The following GPC3 variants were observed in gnomAD, a reference collection of about 807,000 sequenced individuals.
GPC3 encodes glypican 3.
GPC3 carries 3 observed loss-of-function variants against 34.4 expected under a neutral mutation model. The observed-to-expected ratio is 0.09, with a 90% CI of 0.04 to 0.23. The LOEUF (loss-of-function observed/expected upper bound fraction) is 0.23. GPC3 is among the 10% of genes least tolerant of loss of function. GPC3 has a pLI of 1.00. For missense variants in GPC3, 351 were observed against 445.6 expected (o/e 0.79, Z 1.91); for synonymous variants, 177 against 174.0 (o/e 1.02, Z -0.13).
At chrX:133,972,432 G>C (rs1204070660) in intron 1 of GPC3, among the ~76,000 whole-genome samples, 1 of 112,059 alleles carries the variant, frequency 8.9e-6, no homozygotes, top group Non-Finnish European at 1.9e-5. Context: ...TTCCCTATGG[G>C]AAGAGCCAAA....
intron 7 of GPC3, among the ~76,000 whole-genome samples, chrX:133,545,619 C>T (rs1300300511): frequency 9.0e-6 from 1 of 111,493 alleles, no homozygotes; most frequent in Non-Finnish European, 1.9e-5. Flanking sequence ...CCTGACTGTG[C>T]CTGGGGTGCA....
chrX:133,550,944 C>T (rs1197266102), intron 7 of GPC3, among the ~76,000 whole-genome samples: 2 of 112,401 alleles, frequency 1.8e-5, no homozygotes, highest in African/African-American at 6.5e-5. Context: ...TGTTCTTATT[C>T]CCTTTTGCTG....
intron 7 of GPC3, among the ~76,000 whole-genome samples, chrX:133,549,954 C>G (rs2069420587): frequency 9.4e-6 from 1 of 106,789 alleles, no homozygotes; most frequent in Non-Finnish European, 1.9e-5. Context: ...TTCCTCCCCC[C>G]TCTGTCTTTC....
chrX:133,608,449 A>G (rs2070072173), intron 6 of GPC3, among the ~76,000 whole-genome samples: 1 of 112,416 alleles, frequency 8.9e-6, no homozygotes, highest in African/African-American at 3.2e-5. Flanking sequence ...GTGAGAGTGT[A>G]CCAGGATATT....
chrX:133,699,172 G>A (rs1268408423), intron 4 of GPC3, among the ~76,000 whole-genome samples: 1 of 111,552 alleles, frequency 9.0e-6, no homozygotes, highest in East Asian at 2.8e-4. Context: ...AGCTGAGATC[G>A]CGCCACTGCA....
chrX:133,878,773 T>C (rs1378071525), intron 2 of GPC3, among the ~76,000 whole-genome samples: 1 of 111,756 alleles, frequency 8.9e-6, no homozygotes, highest in Non-Finnish European at 1.9e-5. Context: ...AGCTAAAATG[T>C]CCAGTTGTCT....
At chrX:133,766,501 A>G (rs905974577) in intron 2 of GPC3, among the ~76,000 whole-genome samples, 1 of 112,271 alleles carries the variant, frequency 8.9e-6, no homozygotes, top group Non-Finnish European at 1.9e-5. Context: ...TTAAGTATAC[A>G]TAGTATACAT....
intron 6 of GPC3, among the ~76,000 whole-genome samples, chrX:133,660,628 C>T (rs1394532687): frequency 8.9e-6 from 1 of 112,097 alleles, no homozygotes; most frequent in East Asian, 2.8e-4. Context: ...GCAGTGAAAA[C>T]TGATACATTC....
intron 6 of GPC3, among the ~76,000 whole-genome samples, chrX:133,637,165 G>C (rs2070435017): frequency 8.9e-6 from 1 of 111,759 alleles, no homozygotes. Context: ...TGGGAAGAAT[G>C]ATGCTTTAAA....
chrX:133,700,192 G>A (rs2071154757), intron 3 of GPC3, among the ~76,000 whole-genome samples, 164 bp from the exon 4 acceptor site: 1 of 112,036 alleles, frequency 8.9e-6, no homozygotes, highest in South Asian at 3.8e-4. Flanking sequence ...AGAACCACTG[G>A]TGGAAAGAAG....
intron 6 of GPC3, among the ~76,000 whole-genome samples, chrX:133,598,625 C>T (rs930672766): frequency 8.9e-6 from 1 of 111,897 alleles, no homozygotes; most frequent in Non-Finnish European, 1.9e-5. Flanking sequence ...GCAGACTTTT[C>T]AGATAATTGT....
chrX:133,806,261 A>G (rs1278360384), intron 2 of GPC3, among the ~76,000 whole-genome samples: 1 of 112,506 alleles, frequency 8.9e-6, no homozygotes, highest in African/African-American at 3.2e-5. Flanking sequence ...AGACACAGAC[A>G]GAAAAGAGAC....
At chrX:133,850,189 G>GTTTTTTTTT (rs1282213093) in intron 2 of GPC3, among the ~76,000 whole-genome samples, 9 of 72,666 alleles carry the variant, frequency 1.2e-4, no homozygotes, top group African/African-American at 4.6e-4. Context: ...TGTTTTTTGG[G>GTTTTTTTTT]TTTTGTTTTT....
chrX:133,674,979 C>T (rs751787852), intron 5 of GPC3, among the ~76,000 whole-genome samples: 7 of 111,364 alleles, frequency 6.3e-5, no homozygotes, highest in East Asian at 2.8e-4. Flanking sequence ...ACTCCAGACA[C>T]GTTTGGGAGA....
intron 2 of GPC3, among the ~76,000 whole-genome samples, chrX:133,887,283 C>T (rs2076065857): frequency 8.9e-6 from 1 of 112,531 alleles, no homozygotes; most frequent in Admixed American, 9.4e-5. Context: ...AATTTACATT[C>T]CCACCAACAG....
intron 2 of GPC3, among the ~76,000 whole-genome samples, chrX:133,838,106 AGCAATTACATCTT>A (rs1268633168): frequency 1.8e-5 from 2 of 112,817 alleles, no homozygotes; most frequent in Non-Finnish European, 3.7e-5. Flanking sequence ...TTAAAAAATC[AGCAATTACATCTT>A]GCTGGGAAGT....
At chrX:133,944,269 T>C (rs779801239) in intron 2 of GPC3, among the ~76,000 whole-genome samples, 2 of 111,747 alleles carry the variant, frequency 1.8e-5, no homozygotes, top group Non-Finnish European at 3.8e-5. Context: ...TGCAACCTGA[T>C]GAGTGCTAGA....
chrX:133,770,889 A>G (rs1369031522), intron 2 of GPC3, among the ~76,000 whole-genome samples: 1 of 111,679 alleles, frequency 9.0e-6, no homozygotes, highest in Non-Finnish European at 1.9e-5. Context: ...ATATCTCACA[A>G]TAAGTTTCTT....
chrX:133,657,859 C>CTA (rs1415730565), intron 6 of GPC3, among the ~76,000 whole-genome samples: 1 of 103,711 alleles, frequency 9.6e-6, no homozygotes. Context: ...AATGGCCTAG[C>CTA]TATAGTTCAT....
Sources: gnomAD v4.1 joint callset for allele counts (sites outside exome capture counted in the v4.1 genomes callset) on GRCh38, gnomAD v4.1.1 for gene constraint, MANE v1.5 for transcripts, NCBI Gene and HGNC (gene_info 2026-07-23, HGNC 2026-07-21) for gene names.